The following SGCD variants were observed in gnomAD, a reference collection of about 807,000 sequenced individuals.
SGCD encodes delta-sarcoglycan.
SGCD carries 18 observed loss-of-function variants against 36.6 expected under a neutral mutation model. That is an observed-to-expected ratio of 0.49 (90% confidence interval 0.34 to 0.73). SGCD has a LOEUF of 0.73. Ranked by LOEUF, SGCD falls within the 30% of genes least tolerant of loss-of-function variation. The pLI is 0.01. For synonymous variants in SGCD, 133 were observed against 130.6 expected (o/e 1.02, Z -0.12); for missense variants, 387 against 346.7 (o/e 1.12, Z -0.92).
the SGCD span, among the ~76,000 whole-genome samples, chr5:155,742,546 A>T: frequency 6.6e-5 from 10 of 152,232 alleles, no homozygotes; most frequent in Non-Finnish European, 1.5e-4. Flanking sequence ...GTGAGTATCA[A>T]TGTTTGAGGT....
intron 1 of SGCD, among the ~76,000 whole-genome samples, chr5:155,907,275 A>C (rs1756537923): frequency 6.6e-6 from 1 of 152,160 alleles, no homozygotes; most frequent in African/African-American, 2.4e-5. Context: ...TGCTTACCTA[A>C]GATCCCTGAT....
intron 7 of SGCD, among the ~76,000 whole-genome samples, chr5:156,671,052 T>C (rs1753267830): frequency 6.6e-6 from 1 of 152,106 alleles, no homozygotes; most frequent in African/African-American, 2.4e-5. Flanking sequence ...ATTTCCAATG[T>C]TCTTTACACT....
the SGCD span, among the ~76,000 whole-genome samples, chr5:155,770,979 T>G: frequency 4.6e-5 from 7 of 152,004 alleles, no homozygotes; most frequent in Non-Finnish European, 1.0e-4. Context: ...CACTGAGAGG[T>G]TTTAATTTTT....
At chr5:156,469,291 G>A (rs996217587) in intron 3 of SGCD, among the ~76,000 whole-genome samples, 1 of 152,152 alleles carries the variant, frequency 6.6e-6, no homozygotes, top group Non-Finnish European at 1.5e-5. Context: ...TGACACAAAA[G>A]GATTAACAAA....
At chr5:156,254,484 A>C (rs962070933) in intron 3 of SGCD, among the ~76,000 whole-genome samples, 4 of 152,236 alleles carry the variant, frequency 2.6e-5, no homozygotes, top group African/African-American at 9.6e-5. Flanking sequence ...TTTTTCCTGT[A>C]TATGAGTGTT....
chr5:156,108,669 G>T (rs184593566), intron 1 of SGCD, among the ~76,000 whole-genome samples: 1 of 152,150 alleles, frequency 6.6e-6, no homozygotes, highest in African/African-American at 2.4e-5. Flanking sequence ...TTTCTATCAA[G>T]TCTTACTGGC....
At chr5:156,404,920 G>A (rs989516298) in intron 3 of SGCD, among the ~76,000 whole-genome samples, 1 of 152,166 alleles carries the variant, frequency 6.6e-6, no homozygotes, top group Non-Finnish European at 1.5e-5. Flanking sequence ...TAAATATGAT[G>A]TGATGCCACT....
upstream of SGCD, among the ~76,000 whole-genome samples, chr5:156,324,803 C>T (rs1248751516): frequency 5.9e-5 from 9 of 151,814 alleles, no homozygotes; most frequent in South Asian, 6.2e-4. Flanking sequence ...AAACAATAAG[C>T]GGTTCATTAG....
At chr5:156,110,051 A>G (rs1011750144) in intron 1 of SGCD, among the ~76,000 whole-genome samples, 4 of 152,198 alleles carry the variant, frequency 2.6e-5, no homozygotes, top group African/African-American at 9.6e-5. Context: ...GGGGTCAGTG[A>G]CAAAGTATAA....
intron 7 of SGCD, among the ~76,000 whole-genome samples, chr5:156,647,834 A>C (rs1332761904): frequency 6.6e-6 from 1 of 152,148 alleles, no homozygotes; most frequent in Non-Finnish European, 1.5e-5. Context: ...TTAGAGAACT[A>C]GTTGGTAATT....
At chr5:155,749,088 T>C in the SGCD span, among the ~76,000 whole-genome samples, 1 of 152,248 alleles carries the variant, frequency 6.6e-6, no homozygotes, top group Admixed American at 6.5e-5. Context: ...ACTTACATAG[T>C]ATAGAGCAAT....
chr5:156,642,632 C>G (rs1707703014), intron 6 of SGCD, among the ~76,000 whole-genome samples: 1 of 151,864 alleles, frequency 6.6e-6, no homozygotes, highest in African/African-American at 2.4e-5. Flanking sequence ...CCACACCTGG[C>G]TAATTTTTGT....
At chr5:155,874,451 G>A (rs920148155) in intron 1 of SGCD, among the ~76,000 whole-genome samples, 1 of 152,002 alleles carries the variant, frequency 6.6e-6, no homozygotes, top group Non-Finnish European at 1.5e-5. Context: ...TCTTCTAAAA[G>A]CCTCGGTTAA....
At chr5:156,690,767 T>C (rs1053914288) in intron 7 of SGCD, among the ~76,000 whole-genome samples, 2 of 152,140 alleles carry the variant, frequency 1.3e-5, no homozygotes, top group Non-Finnish European at 2.9e-5. Flanking sequence ...TGGTTTAATG[T>C]AGCAGAGATG....
At chr5:156,215,755 T>G (rs371091737) in intron 3 of SGCD, among the ~76,000 whole-genome samples, 28 of 152,226 alleles carry the variant, frequency 1.8e-4, no homozygotes, top group Middle Eastern at 6.8e-3. Context: ...AGCCACTATG[T>G]AAAATTGAGT....
At chr5:156,335,567 C>T (rs1283689316) in intron 2 of SGCD, among the ~76,000 whole-genome samples, 7 of 152,134 alleles carry the variant, frequency 4.6e-5, no homozygotes, top group African/African-American at 1.4e-4. Flanking sequence ...CTCCTTATCT[C>T]ACTACCTCTT....
the SGCD span, among the ~76,000 whole-genome samples, chr5:155,813,406 GC>G: frequency 1.3e-5 from 2 of 152,162 alleles, no homozygotes; most frequent in Non-Finnish European, 2.9e-5. Flanking sequence ...GAAAAGGCCT[GC>G]GCATGCCTGA....
At chr5:156,606,272 A>C (rs1177013103) in intron 6 of SGCD, among the ~76,000 whole-genome samples, 1 of 152,244 alleles carries the variant, frequency 6.6e-6, no homozygotes, top group Non-Finnish European at 1.5e-5. Flanking sequence ...ATGGCTAGCC[A>C]GTTTTCCCAG....
chr5:155,935,078 G>T (rs1449142235), intron 1 of SGCD, among the ~76,000 whole-genome samples: 1 of 152,164 alleles, frequency 6.6e-6, no homozygotes, highest in Non-Finnish European at 1.5e-5. Context: ...CAGTATACTT[G>T]ACCCTAAGTC....
Sources: gnomAD v4.1 joint callset for allele counts (sites outside exome capture counted in the v4.1 genomes callset) on GRCh38, gnomAD v4.1.1 for gene constraint, MANE v1.5 for transcripts, NCBI Gene and HGNC (gene_info 2026-07-23, HGNC 2026-07-21) for gene names.